Variants in TENM1 observed in about 807,000 individuals in gnomAD.
TENM1 encodes teneurin transmembrane protein 1.
Under a neutral mutation model 174.8 loss-of-function variants are expected in TENM1, and 35 were observed. That is an observed-to-expected ratio of 0.20 (90% CI 0.15 to 0.27). The LOEUF (loss-of-function observed/expected upper bound fraction) is 0.27. Ranked by LOEUF, TENM1 falls within the 10% of genes least tolerant of loss-of-function variation. The pLI is 1.00. For missense variants in TENM1, 1,633 were observed against 2,130.1 expected, an observed-to-expected ratio of 0.77 and a Z score of 4.59; for synonymous variants, 781 against 798.7, an observed-to-expected ratio of 0.98 and a Z score of 0.37.
intron 1 of TENM1, among the ~76,000 whole-genome samples, chrX:124,934,941 T>C (rs2058223710): frequency 9.0e-6 from 1 of 110,605 alleles, no homozygotes; most frequent in Non-Finnish European, 1.9e-5. Context: ...TTCACATTGT[T>C]CACTGTGAAT....
chrX:125,159,754 T>G, the TENM1 span, among the ~76,000 whole-genome samples: 7 of 112,181 alleles, frequency 6.2e-5, no homozygotes, highest in Non-Finnish European at 1.3e-4. Context: ...TAATTCTCAC[T>G]TCTTTCTTTA....
intron 3 of TENM1, among the ~76,000 whole-genome samples, chrX:124,890,107 T>A (rs972046734): frequency 8.9e-6 from 1 of 112,361 alleles, no homozygotes; most frequent in Non-Finnish European, 1.9e-5. Context: ...TTATTTGCAA[T>A]TTATATTTTA....
At chrX:124,527,801 A>C (rs1602602431) in intron 16 of TENM1, among the ~76,000 whole-genome samples, 1 of 101,842 alleles carries the variant, frequency 9.8e-6, no homozygotes, top group African/African-American at 3.6e-5. Flanking sequence ...GGCGCCCGCC[A>C]CCACGCCCAG....
At chrX:124,545,204 C>CA (rs2048403740) in intron 15 of TENM1, among the ~76,000 whole-genome samples, 2 of 109,855 alleles carry the variant, frequency 1.8e-5, no homozygotes, top group South Asian at 8.1e-4. Flanking sequence ...CTTGCAGAGC[C>CA]AAATGATAAC....
At chrX:124,996,926 A>T in the TENM1 span, among the ~76,000 whole-genome samples, 1 of 111,597 alleles carries the variant, frequency 9.0e-6, no homozygotes, top group Non-Finnish European at 1.9e-5. Context: ...AAGAAAAGAG[A>T]GAAAGCGAAG....
At chrX:124,402,739 A>G (rs2060414121) in intron 27 of TENM1, among the ~76,000 whole-genome samples, 1 of 111,624 alleles carries the variant, frequency 9.0e-6, no homozygotes, top group Middle Eastern at 4.7e-3. Flanking sequence ...TTGAGGCTAT[A>G]TGCTGGGAGA....
At chrX:124,911,217 A>G (rs959384421) in intron 1 of TENM1, among the ~76,000 whole-genome samples, 7 of 111,689 alleles carry the variant, frequency 6.3e-5, no homozygotes, top group African/African-American at 2.0e-4. Flanking sequence ...CACTTGGCCT[A>G]TAATTTTTAA....
chrX:124,991,876 T>C, the TENM1 span, among the ~76,000 whole-genome samples: 1 of 111,392 alleles, frequency 9.0e-6, no homozygotes, highest in African/African-American at 3.3e-5. Context: ...TAACCTCTAT[T>C]AGTATTTCAC....
intron 3 of TENM1, among the ~76,000 whole-genome samples, chrX:124,819,386 C>A (rs984300328): frequency 9.0e-6 from 1 of 111,322 alleles, no homozygotes; most frequent in Non-Finnish European, 1.9e-5. Context: ...AAGTGACTGT[C>A]CTCATTGATT....
the TENM1 span, among the ~76,000 whole-genome samples, chrX:124,999,756 A>G: frequency 9.0e-6 from 1 of 111,037 alleles, no homozygotes; most frequent in Non-Finnish European, 1.9e-5. Context: ...GTCTTGCTCT[A>G]CAAAGGCAAT....
At chrX:124,735,825 C>A (rs2053657863) in intron 4 of TENM1, among the ~76,000 whole-genome samples, 1 of 111,696 alleles carries the variant, frequency 9.0e-6, no homozygotes, top group Non-Finnish European at 1.9e-5. Flanking sequence ...TAAGCTAACT[C>A]AGTAACAGAA....
At chrX:124,460,108 G>A (rs2061152888) in intron 22 of TENM1, among the ~76,000 whole-genome samples, 1 of 111,951 alleles carries the variant, frequency 8.9e-6, no homozygotes. Flanking sequence ...GGAGTAAAAG[G>A]AATGCTTATA....
intron 22 of TENM1, among the ~76,000 whole-genome samples, chrX:124,467,850 C>A (rs2061256490): frequency 9.1e-6 from 1 of 110,182 alleles, no homozygotes; most frequent in South Asian, 4.0e-4. Context: ...CCTCTGTCTC[C>A]CAGGTTCGAG....
At chrX:124,489,846 A>G (rs1295484833) in intron 20 of TENM1, among the ~76,000 whole-genome samples, 4 of 111,173 alleles carry the variant, frequency 3.6e-5, no homozygotes. Flanking sequence ...ACATTGAAGA[A>G]TGGTCTGCCC....
At chrX:124,634,706 G>T (rs760697426) in intron 11 of TENM1, among the ~76,000 whole-genome samples, 38 of 111,870 alleles carry the variant, frequency 3.4e-4, no homozygotes, top group African/African-American at 1.1e-3. Context: ...TGCTAGACAC[G>T]CAGAGTCATG....
intron 3 of TENM1, among the ~76,000 whole-genome samples, chrX:124,839,185 A>C (rs961843887): frequency 2.7e-5 from 3 of 112,186 alleles, no homozygotes; most frequent in African/African-American, 9.7e-5. Flanking sequence ...ATCTATTTGT[A>C]AAACATGTAA....
chrX:124,901,449 T>A, intron 1 of TENM1, among the ~76,000 whole-genome samples: 1 of 111,376 alleles, frequency 9.0e-6, no homozygotes, highest in Non-Finnish European at 1.9e-5. Context: ...TCTGTATCAG[T>A]GTTTTTCTAG....
At chrX:124,479,585 C>A (rs531646889) in intron 22 of TENM1, among the ~76,000 whole-genome samples, 1 of 111,033 alleles carries the variant, frequency 9.0e-6, no homozygotes, top group South Asian at 3.9e-4. Context: ...ATTACTGCTG[C>A]TTTCCAAGAA....
At chrX:124,453,437 C>A (rs1452740181) in exon 23 of TENM1, 7 of 1,209,726 alleles carry the variant, frequency 5.8e-6, no homozygotes, top group Non-Finnish European at 7.8e-6. Flanking sequence ...ATCAATTTTG[C>A]GAATCATAGT....
Sources: allele counts gnomAD v4.1 joint callset (sites outside exome capture counted in the v4.1 genomes callset), GRCh38; gene constraint gnomAD v4.1.1; transcripts MANE v1.5; gene names NCBI Gene and HGNC (gene_info 2026-07-23, HGNC 2026-07-21).